Variants in SECISBP2L observed in about 807,000 individuals in gnomAD.
SECISBP2L encodes selenocysteine insertion sequence-binding protein 2-like.
SECISBP2L carries 43 observed loss-of-function variants against 114.7 expected under a neutral mutation model. That is an observed-to-expected ratio of 0.38 (90% confidence interval 0.29 to 0.48). The LOEUF (loss-of-function observed/expected upper bound fraction) is 0.48, where lower values mean the gene tolerates loss of function less well. SECISBP2L is among the 20% of genes least tolerant of loss of function. The pLI is 0.98. For missense variants in SECISBP2L, 1,136 were observed against 1,301.1 expected (o/e 0.87, Z 1.95); for synonymous variants, 451 against 439.7 (o/e 1.03, Z -0.32).
rs143637455 is a variant in SECISBP2L at position 49,036,429 on chromosome 15, C to T, written c.204-771G>A. ...ACAAAGCAAAATAGTAAAATGTTCA[C>T]GGCCATATTCTTAAAAATATTTTTT... On this transcript the variant is annotated intron_variant, in intron 2 of 17. Coordinates refer to ENST00000559471, the MANE Select transcript of SECISBP2L (RefSeq NM_001193489.2). 3.7e-3 allele frequency among the ~76,000 whole-genome samples: 560 copies of T among 152,286 alleles called. 3 individuals carry two copies. Among genetic ancestry groups the T allele is most frequent in the Admixed American group, 9.7e-3 (148 of 15,294 alleles).
intron 7 of SECISBP2L, 71 bp from the exon 8 acceptor site, chr15:49,019,623 T>C (rs901703995): frequency 2.4e-6 from 3 of 1,238,844 alleles, no homozygotes; most frequent in Non-Finnish European, 3.1e-6. Flanking sequence ...ATATATAACA[T>C]ACTGGCAGAA....
intron 14 of SECISBP2L, among the ~76,000 whole-genome samples, chr15:49,006,452 A>C (rs796375928): frequency 5.3e-5 from 8 of 151,972 alleles, no homozygotes; most frequent in African/African-American, 1.9e-4. Flanking sequence ...ATTCCTTTTC[A>C]TTATTTTTTC....
rs1230046991 is a variant in SECISBP2L at position 48,992,294 on chromosome 15, A to T, written c.3256T>A (p.Ser1086Thr). 1 of 1,613,126 alleles carries T rather than the reference A, an allele frequency of 6.2e-7. No homozygotes were observed. The highest frequency in any genetic ancestry group is 8.5e-7 in the Non-Finnish European group (1 of 1,179,780). Residue 1086 changes from serine to threonine, a missense_variant, in exon 18 of 18, where the codon TCG (serine) becomes ACG (threonine). This residue lies in a region of SECISBP2L where 684 missense variants were observed against 848.7 expected (regional missense o/e 0.81). Coordinates refer to ENST00000559471, the MANE Select transcript of SECISBP2L (RefSeq NM_001193489.2). ...GAATCAGAGTGCTCTTTGTTGAGCG[A>T]GCTGCAGTTGCTGGACTTCTGCTGC... ...PGQQKSSNCSSLNKEHSDSNY... is the reference protein window; with the variant it reads ...PGQQKSSNCSTLNKEHSDSNY...
chr15:49,000,380 T>C (rs1902176907), intron 15 of SECISBP2L, among the ~76,000 whole-genome samples: 1 of 152,212 alleles, frequency 6.6e-6, no homozygotes. Flanking sequence ...CTGGTCTCAC[T>C]GATATTCCTC....
At chr15:49,040,746 G>A (rs1244962664) in intron 1 of SECISBP2L, among the ~76,000 whole-genome samples, 2 of 151,064 alleles carry the variant, frequency 1.3e-5, no homozygotes. Flanking sequence ...CACCGTGTTA[G>A]CCAGGATGGT....
intron 14 of SECISBP2L, among the ~76,000 whole-genome samples, chr15:49,005,685 A>G (rs923246075): frequency 2.7e-5 from 4 of 150,842 alleles, no homozygotes; most frequent in African/African-American, 7.3e-5. Context: ...CAGGACACCA[A>G]TGGGTCTTGA....
chr15:49,016,521 C>T, intron 11 of SECISBP2L, 39 bp downstream of exon 11: 1 of 1,563,536 alleles, frequency 6.4e-7, no homozygotes, highest in South Asian at 1.2e-5. Flanking sequence ...CATATATTAG[C>T]AGAGACAAAC....
Position 49,046,391 on chromosome 15 carries a change from G to C in SECISBP2L, c.-92C>G. On this transcript the variant is annotated 5_prime_UTR_variant, in exon 1 of 18. Transcript: ENST00000559471. ...GGCCCCCCGCTCGGGTCCAGACTGGGTTCCGGACCTCCGCCCCTATCTGGC... is the reference window on the plus strand; with the variant it reads ...GGCCCCCCGCTCGGGTCCAGACTGGCTTCCGGACCTCCGCCCCTATCTGGC... 7.7e-7 allele frequency: 1 copy of C among 1,305,062 alleles called. No homozygotes were observed. Among genetic ancestry groups the C allele is most frequent in the Non-Finnish European group, 1.0e-6 (1 of 996,810 alleles). The allele number at this position is 1,305,062 out of a possible 1,614,324, so 80.8% of individuals were successfully genotyped here.
chr15:49,028,018 T>C lies in SECISBP2L; in HGVS notation c.919+126A>G, dbSNP rs569863268. 1,043 of 841,702 alleles carry C rather than the reference T, an allele frequency of 1.2e-3. 20 individuals carry two copies. In the South Asian group the frequency reaches 0.016, roughly 13 times the overall value. The allele number at this position is 841,702 out of a possible 1,614,324, so 52.1% of individuals were successfully genotyped here. ...GATCAGCAAAACTGTACTTCCAAAT[T>C]ACCTTGAATCTCTGGAAGACTTCTA... On this transcript the variant is annotated intron_variant, in intron 6 of 17. Coordinates refer to ENST00000559471, the MANE Select transcript of SECISBP2L (RefSeq NM_001193489.2).
Position 48,989,881 on chromosome 15 carries a change from T to C in SECISBP2L, c.*2363A>G, listed in dbSNP as rs573637324. ...AAGCCTGTAATTCAATATTCCAAAA[T>C]TTAAAGGAAACAAGTTATAAAGACA... On this transcript the variant is annotated 3_prime_UTR_variant, in exon 18 of 18. Coordinates refer to ENST00000559471, the MANE Select transcript of SECISBP2L (RefSeq NM_001193489.2). 6 of 152,732 alleles carry C rather than the reference T, an allele frequency of 3.9e-5. No homozygotes were observed. The highest frequency in any genetic ancestry group is 1.4e-4 in the African/African-American group (6 of 41,574). 9.5% of individuals were successfully genotyped at this position (152,732 alleles called of 1,614,324 possible).
intron 4 of SECISBP2L, among the ~76,000 whole-genome samples, chr15:49,029,372 G>C (rs979207053): frequency 6.6e-6 from 1 of 152,048 alleles, no homozygotes; most frequent in Admixed American, 6.6e-5. Flanking sequence ...ATTTGCCATG[G>C]ATTTCTGTAT....
chr15:49,003,416 T>C (rs1017933180), intron 14 of SECISBP2L, among the ~76,000 whole-genome samples: 6 of 152,202 alleles, frequency 3.9e-5, no homozygotes, highest in African/African-American at 1.4e-4. Flanking sequence ...TCTTTCTATT[T>C]GAATACCCTT....
At chr15:49,033,982 T>C (rs866339746) in intron 3 of SECISBP2L, among the ~76,000 whole-genome samples, 7 of 152,236 alleles carry the variant, frequency 4.6e-5, no homozygotes, top group Non-Finnish European at 7.3e-5. Flanking sequence ...GGGAATGTAT[T>C]CTAAGAAATC....
chr15:48,996,977 T>C (rs1902105006), intron 16 of SECISBP2L, among the ~76,000 whole-genome samples: 1 of 152,164 alleles, frequency 6.6e-6, no homozygotes, highest in Admixed American at 6.5e-5. Context: ...ACACCTATAA[T>C]GCAAGGCATA....
In SECISBP2L at chr15:48,988,662, A is replaced by G. The variant is rs1447352349; in HGVS notation, c.*3582T>C. 5 of 455,800 alleles carry G rather than the reference A, an allele frequency of 1.1e-5. No individual in the cohort carries two copies. The highest frequency in any genetic ancestry group is 7.1e-5 in the Admixed American group (3 of 42,466). The allele number at this position is 455,800 out of a possible 1,614,324, so 28.2% of individuals were successfully genotyped here. Reference sequence around the variant, plus strand: ...ATTTCATTTCAATAATCATTTTATTAGTACAGAAGAATCCCCACTAGTATT... The same window carrying G: ...ATTTCATTTCAATAATCATTTTATTGGTACAGAAGAATCCCCACTAGTATT... On this transcript the variant is annotated 3_prime_UTR_variant, in exon 18 of 18. Coordinates refer to ENST00000559471, the MANE Select transcript of SECISBP2L (RefSeq NM_001193489.2).
intron 1 of SECISBP2L, among the ~76,000 whole-genome samples, chr15:49,043,504 T>C (rs1419359844): frequency 6.6e-6 from 1 of 152,088 alleles, no homozygotes; most frequent in Non-Finnish European, 1.5e-5. Context: ...TCTAAGCCCA[T>C]TGTTTACTTT....
chr15:49,002,540 G>A (rs1198489526), intron 14 of SECISBP2L, among the ~76,000 whole-genome samples: 2 of 152,184 alleles, frequency 1.3e-5, no homozygotes, highest in African/African-American at 4.8e-5. Context: ...CCTATGTCCT[G>A]AATGGTATTG....
At chr15:49,019,997 C>G (rs1261296681) in intron 7 of SECISBP2L, among the ~76,000 whole-genome samples, 2 of 152,088 alleles carry the variant, frequency 1.3e-5, no homozygotes. Context: ...TGAAGGCATA[C>G]AAAATTATTG....
intron 2 of SECISBP2L, among the ~76,000 whole-genome samples, chr15:49,036,725 T>A (rs1348006311): frequency 1.3e-5 from 2 of 152,230 alleles, no homozygotes; most frequent in Non-Finnish European, 2.9e-5. Flanking sequence ...AATATTAACT[T>A]GAACATTTAA....
Sources: allele counts gnomAD v4.1 joint callset (sites outside exome capture counted in the v4.1 genomes callset), GRCh38; gene constraint gnomAD v4.1.1; regional missense constraint gnomAD v4.1.1; transcripts MANE v1.5; gene names NCBI Gene and HGNC (gene_info 2026-07-23, HGNC 2026-07-21).